XRCC4: variants seen among roughly 807,000 people sequenced by gnomAD.
XRCC4 encodes the protein DNA repair protein XRCC4.
In XRCC4, 28 loss-of-function variants were observed where a neutral mutation model predicts 39.1. The ratio of observed to expected loss-of-function variants is 0.72; its 90% CI spans 0.53 to 0.98. XRCC4 has a LOEUF of 0.98. Among genes scored for constraint, XRCC4 ranks in the 50% least tolerant of loss-of-function variants. XRCC4 has a pLI of 0.00. For synonymous variants in XRCC4, 123 were observed against 126.4 expected, an observed-to-expected ratio of 0.97 and a Z score of 0.18; for missense variants, 350 against 376.4, an observed-to-expected ratio of 0.93 and a Z score of 0.58.
chr5:83,322,289 G>T (rs938629843), intron 7 of XRCC4, among the ~76,000 whole-genome samples: 2 of 151,770 alleles, frequency 1.3e-5, no homozygotes, highest in South Asian at 4.2e-4. Context: ...GTATCTCAGC[G>T]CTGAACTCTA....
At chr5:83,135,448 A>C (rs1392324600) in intron 3 of XRCC4, among the ~76,000 whole-genome samples, 1 of 151,432 alleles carries the variant, frequency 6.6e-6, no homozygotes, top group Non-Finnish European at 1.5e-5. Context: ...ACTGCCTTTA[A>C]GCAAGTTGAT....
intron 3 of XRCC4, among the ~76,000 whole-genome samples, chr5:83,118,020 A>G (rs930088427): frequency 2.8e-5 from 4 of 141,038 alleles, no homozygotes; most frequent in African/African-American, 1.1e-4. Flanking sequence ...TAATACATAT[A>G]TATATGTGTA....
At chr5:83,085,060 A>G (rs1365990259) in intron 1 of XRCC4, among the ~76,000 whole-genome samples, 1 of 152,190 alleles carries the variant, frequency 6.6e-6, no homozygotes, top group Non-Finnish European at 1.5e-5. Flanking sequence ...TAGCTTTGCT[A>G]ATCCTACAGA....
At chr5:83,325,359 C>A (rs1329490101) in intron 7 of XRCC4, among the ~76,000 whole-genome samples, 1 of 151,920 alleles carries the variant, frequency 6.6e-6, no homozygotes, top group African/African-American at 2.4e-5. Context: ...AGGTTTGATA[C>A]ATAGGTAAAT....
rs192984207 is a variant in XRCC4 at position 83,305,202 on chromosome 5, A to T, written c.893+46525A>T. 8.5e-4 allele frequency among the ~76,000 whole-genome samples: 130 copies of T among 152,250 alleles called. No homozygotes were observed. In the Middle Eastern group the frequency reaches 0.01, roughly 12 times the overall value. On this transcript the variant is annotated intron_variant, in intron 7 of 7. Coordinates refer to ENST00000396027, the MANE Select transcript of XRCC4 (RefSeq NM_003401.5). Reference sequence around the variant, plus strand: ...ATACTCAGTTTCTCTTATTATTAAAATCTTACATCAGTGTGGTATATTTAC... The same window carrying T: ...ATACTCAGTTTCTCTTATTATTAAATTCTTACATCAGTGTGGTATATTTAC...
intron 3 of XRCC4, among the ~76,000 whole-genome samples, chr5:83,140,822 T>C (rs1748134457): frequency 1.3e-5 from 2 of 152,218 alleles, no homozygotes; most frequent in African/African-American, 4.8e-5. Flanking sequence ...TATTTACTTT[T>C]GGGTATGTGA....
intron 3 of XRCC4, among the ~76,000 whole-genome samples, chr5:83,126,967 C>T (rs1482339755): frequency 6.6e-6 from 1 of 152,122 alleles, no homozygotes; most frequent in Admixed American, 6.6e-5. Flanking sequence ...AATAGAAATA[C>T]CTGTCTTACG....
intron 2 of XRCC4, among the ~76,000 whole-genome samples, chr5:83,107,853 A>T (rs754227101): frequency 6.6e-6 from 1 of 151,934 alleles, no homozygotes; most frequent in African/African-American, 2.4e-5. Flanking sequence ...GATTTTAATA[A>T]ATCAAGCAGT....
At chr5:83,307,745 T>C (rs1183708782) in intron 7 of XRCC4, among the ~76,000 whole-genome samples, 1 of 152,134 alleles carries the variant, frequency 6.6e-6, no homozygotes, top group African/African-American at 2.4e-5. Flanking sequence ...GAACATAGCA[T>C]GTACTGGGAA....
chr5:83,093,238 A>G (rs932964621), intron 1 of XRCC4, among the ~76,000 whole-genome samples: 8 of 152,242 alleles, frequency 5.3e-5, no homozygotes, highest in African/African-American at 1.9e-4. Context: ...ATATAATGAT[A>G]AAGTAGTCAG....
chr5:83,355,053 C>T (rs768802719), downstream of XRCC4, among the ~76,000 whole-genome samples: 5 of 152,154 alleles, frequency 3.3e-5, no homozygotes, highest in African/African-American at 4.8e-5. Flanking sequence ...GGCACCCCTG[C>T]TTACCTCCCC....
intron 3 of XRCC4, among the ~76,000 whole-genome samples, chr5:83,128,392 G>T (rs577695649): frequency 2.0e-5 from 3 of 152,120 alleles, no homozygotes; most frequent in African/African-American, 7.2e-5. Flanking sequence ...ATTTGGGTTG[G>T]TTCCAAGTCT....
At chr5:83,313,653 C>T (rs576768231) in intron 7 of XRCC4, among the ~76,000 whole-genome samples, 1 of 152,258 alleles carries the variant, frequency 6.6e-6, no homozygotes, top group South Asian at 2.1e-4. Flanking sequence ...ATTTGTCTAA[C>T]ACATCAGCTG....
chr5:83,234,587 A>C (rs1280437980), intron 6 of XRCC4, among the ~76,000 whole-genome samples: 1 of 152,108 alleles, frequency 6.6e-6, no homozygotes, highest in Non-Finnish European at 1.5e-5. Flanking sequence ...GAGAGGTCCT[A>C]TAGTATTCGA....
chr5:83,342,869 A>G (rs1028573228), intron 7 of XRCC4, among the ~76,000 whole-genome samples: 1 of 152,188 alleles, frequency 6.6e-6, no homozygotes, highest in African/African-American at 2.4e-5. Flanking sequence ...CTTTAAGCAC[A>G]TTATTTAAAA....
Position 83,168,485 on chromosome 5 carries a change from A to T in XRCC4, c.316-27285A>T, listed in dbSNP as rs564034127. ...ATATATTAAGCATATGAGAAAATAG[A>T]TTTGTACAGTGTATTTTAACAAGGT... On this transcript the variant is annotated intron_variant, in intron 3 of 7. Transcript: ENST00000396027. 4.6e-5 allele frequency among the ~76,000 whole-genome samples: 7 copies of T among 152,328 alleles called. No individual in the cohort carries two copies. In the East Asian group the frequency reaches 9.6e-4, roughly 21 times the overall value.
At chr5:83,198,460 G>T (rs900676698) in intron 4 of XRCC4, among the ~76,000 whole-genome samples, 1 of 151,970 alleles carries the variant, frequency 6.6e-6, no homozygotes, top group Admixed American at 6.6e-5. Flanking sequence ...GGTGAGATGT[G>T]CATCACCACA....
At chr5:83,203,486 A>T in intron 4 of XRCC4, 66 bp from the exon 5 acceptor site, 1 of 1,311,200 alleles carries the variant, frequency 7.6e-7, no homozygotes, top group Non-Finnish European at 1.0e-6. Context: ...CTTGATTATT[A>T]GGCTGAATTA....
intron 3 of XRCC4, among the ~76,000 whole-genome samples, chr5:83,113,108 T>C (rs1437800880): frequency 6.6e-6 from 1 of 152,148 alleles, no homozygotes; most frequent in Non-Finnish European, 1.5e-5. Context: ...CATAAACAAG[T>C]TAGTTACTTC....
Sources: allele counts gnomAD v4.1 joint callset (sites outside exome capture counted in the v4.1 genomes callset), GRCh38; gene constraint gnomAD v4.1.1; transcripts MANE v1.5; gene names NCBI Gene and HGNC (gene_info 2026-07-23, HGNC 2026-07-21).